CATSPERZ: variants seen among roughly 807,000 people sequenced by gnomAD.
The protein encoded by CATSPERZ is catsper channel auxiliary subunit zeta, also known as cation channel sperm-associated auxiliary subunit zeta.
A neutral mutation model predicts 21.7 loss-of-function variants in CATSPERZ; 21 were observed. That is an observed-to-expected ratio of 0.97 (90% CI 0.69 to 1.39). The LOEUF is 1.39. Ranked by LOEUF, CATSPERZ falls within the 40% of genes most tolerant of loss-of-function variation. CATSPERZ has a pLI of 0.00. For synonymous variants in CATSPERZ, 127 were observed against 108.7 expected (o/e 1.17, Z -1.05); for missense variants, 234 against 259.5 (o/e 0.90, Z 0.68).
chr11:64,302,560 G>A (rs770828058), intron 2 of CATSPERZ, among the ~76,000 whole-genome samples: 7 of 151,898 alleles, frequency 4.6e-5, no homozygotes, highest in African/African-American at 4.8e-5. Flanking sequence ...GATTACAGGC[G>A]TGAGCCAACC....
Position 64,300,835 on chromosome 11 carries a change from G to A in CATSPERZ, c.200G>A (p.Ser67Asn). The A allele has an allele frequency of 6.4e-7, 1 of 1,560,828 alleles. No homozygotes were observed. Among genetic ancestry groups the A allele is most frequent in the Non-Finnish European group, 8.7e-7 (1 of 1,153,570 alleles). ...ATTAGCAAGACCCGCGGGTGGCACA[G>A]CCCGGGGCGGGGCTCGTTGGACGAG... ...RNISKTRGWHSPGRGSLDEGY... is the reference protein window; with the variant it reads ...RNISKTRGWHNPGRGSLDEGY... The change falls in exon 2 of 5, where the codon AGC (serine) becomes AAC (asparagine). Residue 67 changes from serine to asparagine, a missense_variant. Transcript: ENST00000328404.
chr11:64,302,581 ATTTATT>A (rs1433255647), intron 2 of CATSPERZ, among the ~76,000 whole-genome samples: 1 of 150,170 alleles, frequency 6.7e-6, no homozygotes. Context: ...GCGCTCGGCT[ATTTATT>A]TTTGAGTCAG....
intron 2 of CATSPERZ, among the ~76,000 whole-genome samples, chr11:64,302,959 G>A (rs2034951301): frequency 7.0e-6 from 1 of 142,684 alleles, no homozygotes; most frequent in Admixed American, 7.3e-5. Flanking sequence ...GAGTGCAGAT[G>A]TACGATCTCG....
chr11:64,301,830 T>C, intron 2 of CATSPERZ, among the ~76,000 whole-genome samples: 1 of 152,118 alleles, frequency 6.6e-6, no homozygotes, highest in Admixed American at 6.5e-5. Context: ...GGCACCATCC[T>C]GCTCAGCTAA....
rs1474534671 is a variant in CATSPERZ, at chr11:64,304,569, C to A, written c.526C>A (p.His176Asn). 1.3e-6 allele frequency: 2 copies of A among 1,587,398 alleles called. No individual in the cohort carries two copies. The highest frequency in any genetic ancestry group is 1.3e-5 in the African/African-American group (1 of 74,188). The change falls in exon 5 of 5, where the codon CAC (histidine) becomes AAC (asparagine). Residue 176 changes from histidine to asparagine, a missense_variant. Physicochemically the swap from His to Asn is moderately conservative, Grantham distance 68. Coordinates refer to ENST00000328404, the MANE Select transcript of CATSPERZ (RefSeq NM_001039496.2). ...CTACCAGTTAGGGATCGGCAGGGAC[C>A]ACTTCCTGACTAAGGAGCTGCAGCG... is the stretch of plus-strand genomic sequence containing the variant. ...RSYQLGIGRDHFLTKELQRYI... is the reference protein window; with the variant it reads ...RSYQLGIGRDNFLTKELQRYI...
intron 4 of CATSPERZ, 84 bp downstream of exon 4, chr11:64,303,923 C>T: frequency 7.3e-7 from 1 of 1,377,872 alleles, no homozygotes; most frequent in Non-Finnish European, 1.0e-6. Context: ...GGTGGGGTTT[C>T]AGGGTGCCTT....
Position 64,303,529 on chromosome 11 carries a change from C to G in CATSPERZ, c.400C>G (p.His134Asp). 6.2e-7 allele frequency: 1 copy of G among 1,613,528 alleles called. No individual in the cohort carries two copies. The highest frequency in any genetic ancestry group is 8.5e-7 in the Non-Finnish European group (1 of 1,179,748). ...ACTCAATATTGCGAAGCACATGCCC[C>G]ATCGAGCCTACTGGGCAGAGCAGCA... ...SSLNIAKHMP[H>D]RAYWAEQQSR... The change falls in exon 3 of 5, where the codon CAT (histidine) becomes GAT (aspartate). Residue 134 changes from histidine to aspartate, a missense_variant. By Grantham distance (81) the His-to-Asp change is moderately conservative (BLOSUM62 -1). Coordinates refer to ENST00000328404, the MANE Select transcript of CATSPERZ (RefSeq NM_001039496.2).
chr11:64,303,988 T>C, intron 4 of CATSPERZ, 149 bp downstream of exon 4: 1 of 794,558 alleles, frequency 1.3e-6, no homozygotes, highest in Non-Finnish European at 2.0e-6. Context: ...CCCATAAAAG[T>C]TAAAAGCTGA....
chr11:64,300,931 G>A lies in CATSPERZ; in HGVS notation c.296G>A (p.Gly99Asp). ...HALVELELHR[G>D]SSMEINLGEK... ...CTGGTGGAGCTGGAGTTGCACCGCG[G>A]CAGCTCCATGGAAATCAATCTGGGG... is the stretch of plus-strand genomic sequence containing the variant. Residue 99 changes from glycine (G) to aspartate (D), a missense_variant, in exon 2 of 5, where the codon GGC becomes GAC. Transcript: ENST00000328404. 6.3e-7 allele frequency: 1 copy of A among 1,581,368 alleles called. No homozygotes were observed. The highest frequency in any genetic ancestry group is 1.2e-5 in the South Asian group (1 of 86,122).
At chr11:64,303,899 C>T in intron 4 of CATSPERZ, 60 bp downstream of exon 4, 1 of 1,544,110 alleles carries the variant, frequency 6.5e-7, no homozygotes, top group Non-Finnish European at 8.8e-7. Context: ...TTTTGCAGGG[C>T]TGGGGCCCAG....
At chr11:64,303,606 T>C in intron 3 of CATSPERZ, 45 bp downstream of exon 3, 1 of 1,567,290 alleles carries the variant, frequency 6.4e-7, no homozygotes, top group Non-Finnish European at 8.6e-7. Flanking sequence ...GGGTAGGGGA[T>C]AGGCAAATTG....
chr11:64,304,086 G>A (rs1362261355), intron 4 of CATSPERZ, among the ~76,000 whole-genome samples: 1 of 152,272 alleles, frequency 6.6e-6, no homozygotes, highest in East Asian at 1.9e-4. Context: ...CTCTCCAGCT[G>A]AGGGAGGCTT....
At position 64,303,859 on chromosome 11, in the gene CATSPERZ, C is replaced by G. The variant is rs2135242128; in HGVS notation, c.499+20C>G. The G allele has an allele frequency of 6.3e-7, 1 of 1,585,908 alleles. No individual in the cohort carries two copies. Among genetic ancestry groups the G allele is most frequent in the Non-Finnish European group, 8.6e-7 (1 of 1,166,580 alleles). ...TCCGGAGTAAGCTCCCCGCCAACCC[C>G]CAAGAACTCCCACGACAGATTCTGG... On this transcript the variant is annotated intron_variant, in intron 4 of 4. Coordinates refer to ENST00000328404, the MANE Select transcript of CATSPERZ (RefSeq NM_001039496.2).
chr11:64,301,107 G>C, intron 2 of CATSPERZ, 120 bp downstream of exon 2: 7 of 1,008,466 alleles, frequency 6.9e-6, no homozygotes, highest in Non-Finnish European at 9.9e-6. Context: ...GGATTCTCTG[G>C]GAGAGGCGCC....
chr11:64,304,450 T>C, intron 4 of CATSPERZ, 93 bp from the exon 5 acceptor site: 2 of 924,454 alleles, frequency 2.2e-6, no homozygotes, highest in Non-Finnish European at 1.7e-6. Context: ...CCTCGAATCA[T>C]CTGCGGTTCC....
chr11:64,302,167 A>G (rs1385355569), intron 2 of CATSPERZ, among the ~76,000 whole-genome samples: 1 of 152,266 alleles, frequency 6.6e-6, no homozygotes, highest in Admixed American at 6.5e-5. Context: ...CAATAACAGT[A>G]TAACAATGGT....
intron 2 of CATSPERZ, among the ~76,000 whole-genome samples, chr11:64,301,783 CAGCCACCCCCACCACCCCGAGCTGGG>C (rs2034931649): frequency 6.6e-6 from 1 of 152,116 alleles, no homozygotes; most frequent in South Asian, 2.1e-4. Context: ...CCTCCAACCT[CAGCCACCCCCACCACCCCGAGCTGGG>C]AGGACAGGCC....
Position 64,300,761 on chromosome 11 carries a change from C to T in CATSPERZ, c.126C>T (p.Asn42=). 1 of 1,552,966 alleles carries T rather than the reference C, an allele frequency of 6.4e-7. No individual in the cohort carries two copies. The highest frequency in any genetic ancestry group is 1.4e-5 in the African/African-American group (1 of 73,258). The part of the protein sequence containing the change: ...TTTTLSQAQL[N]MPLSEVCEGF... ...CCACGCTGTCCCAGGCACAGCTGAA[C>T]ATGCCGCTGTCCGAGGTCTGCGAGG... Residue 42 remains asparagine, a synonymous_variant, in exon 2 of 5, where the codon AAC becomes AAT. Transcript: ENST00000328404.
intron 1 of CATSPERZ, 98 bp downstream of exon 1, chr11:64,300,529 C>A: frequency 6.5e-7 from 1 of 1,539,614 alleles, no homozygotes; most frequent in East Asian, 2.5e-5. Flanking sequence ...CTTGGCTGCC[C>A]GCAGCCCCCA....
Sources: gnomAD v4.1 joint callset for allele counts (sites outside exome capture counted in the v4.1 genomes callset) on GRCh38, gnomAD v4.1.1 for gene constraint, MANE v1.5 for transcripts, NCBI Gene and HGNC (gene_info 2026-07-23, HGNC 2026-07-21) for gene names.